EIF4E: variants seen among roughly 807,000 people sequenced by gnomAD.
EIF4E encodes eukaryotic translation initiation factor 4E.
For synonymous variants in EIF4E, 71 were observed against 88.5 expected, an observed-to-expected ratio of 0.80 and a Z score of 1.11; for missense variants, 113 against 265.6, an observed-to-expected ratio of 0.43 and a Z score of 3.99.
intron 2 of EIF4E, among the ~76,000 whole-genome samples, chr4:98,900,347 T>C (rs1724593962): frequency 6.6e-6 from 1 of 152,174 alleles, no homozygotes; most frequent in Admixed American, 6.5e-5. Flanking sequence ...AAAAACTGAT[T>C]TGTTCCTCAC....
intron 2 of EIF4E, chr4:98,895,046 C>T (rs935654070): frequency 6.6e-6 from 1 of 152,246 alleles, no homozygotes; most frequent in African/African-American, 2.4e-5. Flanking sequence ...ACACATACAA[C>T]ATTTATCAAT....
At chr4:98,919,497 T>C (rs1053351481) in intron 1 of EIF4E, among the ~76,000 whole-genome samples, 6 of 151,986 alleles carry the variant, frequency 3.9e-5, no homozygotes, top group East Asian at 1.9e-4. Context: ...CCTTATAAAG[T>C]TGAACTAAAT....
Position 98,886,888 on chromosome 4 carries a change from T to C in EIF4E, c.399+191A>G, listed in dbSNP as rs1243847018. On this transcript the variant is annotated intron_variant, in intron 5 of 6. Transcript: ENST00000450253. ...CCAATCACTTAAAATATCTGACTTA[T>C]AATGTGGTAGGATGTTTCACTGTAC... The C allele has an allele frequency of 1.1e-5, 6 of 565,662 alleles. No individual in the cohort carries two copies. In the Admixed American group the frequency reaches 1.1e-4, roughly 11 times the overall value. 35.0% of individuals were successfully genotyped at this position (565,662 alleles called of 1,614,324 possible).
At chr4:98,922,286 G>A (rs1321854462) in intron 1 of EIF4E, among the ~76,000 whole-genome samples, 3 of 152,160 alleles carry the variant, frequency 2.0e-5, no homozygotes, top group Non-Finnish European at 2.9e-5. Context: ...AGCCTGGCGC[G>A]GTGGCTCACG....
intron 2 of EIF4E, among the ~76,000 whole-genome samples, chr4:98,899,441 G>A (rs1724556016): frequency 6.6e-6 from 1 of 152,096 alleles, no homozygotes; most frequent in Non-Finnish European, 1.5e-5. Flanking sequence ...GAGTTAGCAA[G>A]GATATAGAAA....
chr4:98,909,016 T>C (rs1201135189), intron 1 of EIF4E, among the ~76,000 whole-genome samples: 2 of 152,240 alleles, frequency 1.3e-5, no homozygotes, highest in Non-Finnish European at 2.9e-5. Flanking sequence ...AACATAAATC[T>C]ATAATATATA....
At chr4:98,888,711 T>C (rs1203892893) in intron 3 of EIF4E, among the ~76,000 whole-genome samples, 3 of 152,162 alleles carry the variant, frequency 2.0e-5, no homozygotes, top group Admixed American at 2.0e-4. Context: ...GCAAAATTGA[T>C]TTAAAAATTG....
intron 1 of EIF4E, among the ~76,000 whole-genome samples, chr4:98,909,172 A>C (rs1725002631): frequency 6.6e-6 from 1 of 152,202 alleles, no homozygotes; most frequent in Admixed American, 6.5e-5. Flanking sequence ...CCAGGAAAAA[A>C]AGCAACTATA....
At chr4:98,903,360 G>GT (rs377361249) in intron 1 of EIF4E, 97,437 of 361,944 alleles carry the variant, frequency 0.27, 3,009 homozygotes, top group Non-Finnish European at 0.32. Context: ...AAGAATATGG[G>GT]TTTTTTTTTT....
Position 98,881,051 on chromosome 4 carries a change from T to G in EIF4E, c.631A>C (p.Thr211Pro). The G allele has an allele frequency of 3.1e-6, 5 of 1,611,314 alleles. No homozygotes were observed. Among genetic ancestry groups the G allele is most frequent in the Non-Finnish European group, 4.2e-6 (5 of 1,179,234 alleles). The change falls in exon 7 of 7, where the codon ACT becomes CCT. Residue 211 changes from threonine (T) to proline (P), a missense_variant. Physicochemically the swap from Thr to Pro is conservative, Grantham distance 38. Coordinates refer to ENST00000450253, the MANE Select transcript of EIF4E (RefSeq NM_001968.5). ...TCTTAAACAACAAACCTATTTTTAG[T>G]GGTGGAGCCGCTCTTAGTAGCTGTG... is the stretch of plus-strand genomic sequence containing the variant. Reference protein sequence around the residue: ...ADTATKSGSTTKNRFVV With the variant: ...ADTATKSGSTPKNRFVV
chr4:98,913,078 C>T (rs1000618297), intron 1 of EIF4E, among the ~76,000 whole-genome samples: 4 of 151,970 alleles, frequency 2.6e-5, no homozygotes, highest in South Asian at 2.1e-4. Context: ...TGTAGTGGCA[C>T]GCGCCTGTAA....
intron 1 of EIF4E, among the ~76,000 whole-genome samples, chr4:98,924,375 C>T (rs1192759664): frequency 6.6e-6 from 1 of 152,048 alleles, no homozygotes; most frequent in African/African-American, 2.4e-5. Context: ...CCGCACCCGG[C>T]CCATATTCTT....
intron 6 of EIF4E, among the ~76,000 whole-genome samples, chr4:98,882,989 C>T (rs1420407427): frequency 6.6e-6 from 1 of 152,104 alleles, no homozygotes; most frequent in Non-Finnish European, 1.5e-5. Flanking sequence ...ATTATGTTCA[C>T]ATAAAAATTT....
At chr4:98,895,331 AT>A (rs1724332315) in intron 2 of EIF4E, 1 of 152,190 alleles carries the variant, frequency 6.6e-6, no homozygotes, top group African/African-American at 2.4e-5. Context: ...CCTGTATAAT[AT>A]TTTCTCTAAT....
intron 2 of EIF4E, among the ~76,000 whole-genome samples, chr4:98,894,828 T>TG (rs1724298342): frequency 6.6e-6 from 1 of 152,246 alleles, no homozygotes; most frequent in Non-Finnish European, 1.5e-5. Flanking sequence ...TTTTGGCCTG[T>TG]GTTGGCTTTT....
chr4:98,920,481 G>C (rs1031234069), intron 1 of EIF4E, among the ~76,000 whole-genome samples: 1 of 151,920 alleles, frequency 6.6e-6, no homozygotes, highest in Non-Finnish European at 1.5e-5. Flanking sequence ...TTTTAGTAAA[G>C]ATAAGGTTTC....
intron 1 of EIF4E, chr4:98,909,891 G>A (rs893862531): frequency 1.2e-5 from 7 of 591,052 alleles, no homozygotes; most frequent in Non-Finnish European, 1.8e-5. Flanking sequence ...GAGAGCCAGG[G>A]TAATCATGGA....
At chr4:98,894,645 G>A (rs1724289544) in intron 2 of EIF4E, among the ~76,000 whole-genome samples, 1 of 152,188 alleles carries the variant, frequency 6.6e-6, no homozygotes. Flanking sequence ...AGGGAATGTT[G>A]TAGCTGGTTT....
rs1560652622 is a variant in EIF4E at position 98,917,124 on chromosome 4, AC to A, written c.18+11970del. ...CACACACACACACACACACACACAC[AC>A]ACACACACAAAAAAAACCCAAATGC... is the stretch of plus-strand genomic sequence containing the variant. On this transcript the variant is annotated intron_variant, in intron 1 of 6. Transcript: ENST00000450253. Among the ~76,000 whole-genome samples the A allele has an allele frequency of 3.9e-4, 21 of 54,290 alleles. No homozygotes were observed. In the East Asian group the frequency reaches 5.1e-3, roughly 13 times the overall value. 35.6% of individuals were successfully genotyped at this position (54,290 alleles called of 152,430 possible). A position where few individuals can be genotyped will look rare whatever the true frequency, so the allele number is the denominator to read the frequency against.
Sources: gnomAD v4.1 joint callset for allele counts (sites outside exome capture counted in the v4.1 genomes callset) on GRCh38, gnomAD v4.1.1 for gene constraint, MANE v1.5 for transcripts, NCBI Gene and HGNC (gene_info 2026-07-23, HGNC 2026-07-21) for gene names.